The following TCEANC2 variants were observed in gnomAD, a reference collection of about 807,000 sequenced individuals.
TCEANC2 encodes the protein transcription elongation factor A N-terminal and central domain containing 2.
In TCEANC2, 20 loss-of-function variants were observed where a neutral mutation model predicts 22.8. The observed-to-expected ratio is 0.88, with a 90% CI of 0.62 to 1.28. The LOEUF is 1.28. TCEANC2 is among the 50% of genes most tolerant of loss of function. TCEANC2 has a pLI of 0.00. For synonymous variants in TCEANC2, 84 were observed against 95.5 expected (o/e 0.88, Z 0.70); for missense variants, 251 against 249.7 (o/e 1.01, Z -0.03).
intron 4 of TCEANC2, among the ~76,000 whole-genome samples, chr1:54,095,562 T>A (rs1250973057): frequency 1.3e-5 from 2 of 152,206 alleles, no homozygotes; most frequent in Non-Finnish European, 2.9e-5. Context: ...CAAGATGGCT[T>A]GGGCCTGAGC....
In TCEANC2 at chr1:54,068,897, G is replaced by A; in HGVS notation, c.244G>A (p.Gly82Ser). Residue 82 changes from glycine to serine, a missense_variant and splice_region_variant, in exon 3 of 5, where the codon GGT becomes AGT. Coordinates refer to ENST00000234827, the MANE Select transcript of TCEANC2 (RefSeq NM_153035.3). Reference sequence around the variant, plus strand: ...GGAAGTGTTAAAATCAACAAGGATAGGTATATTCCTTCTTAATTTTATTTT... The same window carrying A: ...GGAAGTGTTAAAATCAACAAGGATAAGTATATTCCTTCTTAATTTTATTTT... ...SREVLKSTRIGHTVNKMRKHS... is the reference protein window; with the variant it reads ...SREVLKSTRISHTVNKMRKHS... 1.3e-6 allele frequency: 2 copies of A among 1,546,754 alleles called. No individual in the cohort carries two copies. The highest frequency in any genetic ancestry group is 1.7e-6 in the Non-Finnish European group (2 of 1,154,432).
At chr1:54,059,927 CA>C (rs1390733398) in intron 2 of TCEANC2, among the ~76,000 whole-genome samples, 1 of 152,308 alleles carries the variant, frequency 6.6e-6, no homozygotes, top group East Asian at 1.9e-4. Context: ...GATCAAAATA[CA>C]AACCCTCATG....
At chr1:54,083,170 G>T (rs1658278047) in intron 3 of TCEANC2, among the ~76,000 whole-genome samples, 1 of 152,186 alleles carries the variant, frequency 6.6e-6, no homozygotes, top group Admixed American at 6.5e-5. Context: ...AGAGGTGTTT[G>T]CAGAATAAGC....
At chr1:54,062,505 C>T (rs376654692) in intron 2 of TCEANC2, among the ~76,000 whole-genome samples, 114 of 152,288 alleles carry the variant, frequency 7.5e-4, no homozygotes, top group African/African-American at 2.6e-3. Context: ...TCAGTTACAC[C>T]TACTGTGCAC....
chr1:54,068,326 C>T (rs1428176638), intron 2 of TCEANC2, among the ~76,000 whole-genome samples: 3 of 152,008 alleles, frequency 2.0e-5, no homozygotes, highest in East Asian at 3.9e-4. Context: ...GAATTTTATC[C>T]TCTAGGAAGT....
Position 54,096,409 on chromosome 1 carries a change from T to C in TCEANC2, c.563T>C (p.Ile188Thr), listed in dbSNP as rs1046518851. Reference protein sequence around the residue: ...LVFTLKHRAEIRAQVKSGSLP... With the variant: ...LVFTLKHRAETRAQVKSGSLP... ...TTCACATTAAAGCACCGAGCTGAAA[T>C]CCGGGCTCAGGTGAAGAGCGGCTCG... The change falls in exon 5 of 5, where the codon ATC (isoleucine) becomes ACC (threonine). Residue 188 changes from isoleucine to threonine, a missense_variant. Ile to Thr is a moderately conservative substitution (Grantham distance 89). Transcript: ENST00000234827. The surrounding 1 kb of genome is among the most constrained non-coding windows in gnomAD (Gnocchi z 4.9). 6 of 1,613,420 alleles carry C rather than the reference T, an allele frequency of 3.7e-6. No homozygotes were observed. Among genetic ancestry groups the C allele is most frequent in the Non-Finnish European group, 4.2e-6 (5 of 1,179,446 alleles).
intron 3 of TCEANC2, among the ~76,000 whole-genome samples, chr1:54,086,220 T>TA (rs1570016634): frequency 6.6e-6 from 1 of 152,194 alleles, no homozygotes; most frequent in African/African-American, 2.4e-5. Flanking sequence ...CTGCTGGAGA[T>TA]ACAAAGATGA....
rs190224806 is a variant in TCEANC2 at position 54,088,500 on chromosome 1, A to G, written c.245-97A>G. 1.7e-3 allele frequency: 1,577 copies of G among 950,372 alleles called. 5 individuals carry two copies. The highest frequency in any genetic ancestry group is 1.5e-3 in the Non-Finnish European group (974 of 649,250). 58.9% of individuals were successfully genotyped at this position (950,372 alleles called of 1,614,324 possible). The stretch of plus-strand genomic sequence containing the variant: ...AGTCTTTACATCCTTGGGTGTGTGA[A>G]TGACTTTCTCAGTGCCACACGTCAG... On this transcript the variant is annotated intron_variant, in intron 3 of 4. Coordinates refer to ENST00000234827, the MANE Select transcript of TCEANC2 (RefSeq NM_153035.3).
chr1:54,054,172 C>T lies in TCEANC2; in HGVS notation c.-42-209C>T, dbSNP rs1159318537. On this transcript the variant is annotated intron_variant, in intron 1 of 4. Transcript: ENST00000234827. ...GTGCACTTCTGGAAGCTAGGAACCT[C>T]CTAACTCAGGACGTAGACTGATGAT... 4 of 1,302,806 alleles carry T rather than the reference C, an allele frequency of 3.1e-6. No homozygotes were observed. The African/African-American group carries it at 6.1e-5, about 20-fold the overall frequency. The allele number at this position is 1,302,806 out of a possible 1,614,324, so 80.7% of individuals were successfully genotyped here. A position where few individuals can be genotyped will look rare whatever the true frequency, so the allele number is the denominator to read the frequency against.
chr1:54,063,913 C>T (rs1333729354), intron 2 of TCEANC2, among the ~76,000 whole-genome samples: 4 of 152,198 alleles, frequency 2.6e-5, no homozygotes, highest in African/African-American at 9.7e-5. Context: ...GTTGAATCCA[C>T]AGATGTGAAA....
chr1:54,080,425 C>T (rs140655805), intron 3 of TCEANC2, among the ~76,000 whole-genome samples: 6 of 152,266 alleles, frequency 3.9e-5, no homozygotes, highest in South Asian at 2.1e-4. Context: ...GGATTACAGG[C>T]GTGAGCCACT....
At position 54,104,705 on chromosome 1, in the gene TCEANC2, C is replaced by T. The variant is rs1262156885; in HGVS notation, c.*8232C>T. 3 of 436,918 alleles carry T rather than the reference C, an allele frequency of 6.9e-6. No individual in the cohort carries two copies. The highest frequency in any genetic ancestry group is 9.3e-6 in the Non-Finnish European group (2 of 214,118). 27.1% of individuals were successfully genotyped at this position (436,918 alleles called of 1,614,324 possible). On this transcript the variant is annotated 3_prime_UTR_variant, in exon 5 of 5. Transcript: ENST00000234827. ...TACAGGCATGTGCCACCATGCCCAG[C>T]TGATTTTTGTATTTTTAGTAGAGAT...
At chr1:54,081,885 G>A (rs749357956) in intron 3 of TCEANC2, among the ~76,000 whole-genome samples, 7 of 152,214 alleles carry the variant, frequency 4.6e-5, no homozygotes, top group Non-Finnish European at 8.8e-5. Context: ...GGACCTGAGA[G>A]TTGAAGCTTT....
intron 2 of TCEANC2, among the ~76,000 whole-genome samples, chr1:54,068,081 T>G (rs984372567): frequency 1.3e-5 from 2 of 152,270 alleles, no homozygotes; most frequent in African/African-American, 4.8e-5. Flanking sequence ...TGTTAATTTT[T>G]TATACTTAAT....
intron 4 of TCEANC2, among the ~76,000 whole-genome samples, chr1:54,095,636 G>T (rs528123803): frequency 6.6e-6 from 1 of 152,296 alleles, no homozygotes; most frequent in East Asian, 1.9e-4. Context: ...GGAAACTGTA[G>T]GCGTCTCTCC....
intron 3 of TCEANC2, among the ~76,000 whole-genome samples, chr1:54,081,156 C>T (rs1257598616): frequency 6.6e-6 from 1 of 152,154 alleles, no homozygotes; most frequent in Non-Finnish European, 1.5e-5. Flanking sequence ...ATAGCACCTA[C>T]TTCATAGGGT....
At position 54,088,668 on chromosome 1, in the gene TCEANC2, G is replaced by A. The variant is rs41294784; in HGVS notation, c.316G>A (p.Glu106Lys). 1 of 1,610,910 alleles carries A rather than the reference G, an allele frequency of 6.2e-7. No homozygotes were observed. Among genetic ancestry groups the A allele is most frequent in the Non-Finnish European group, 8.5e-7 (1 of 1,179,044 alleles). The change falls in exon 4 of 5, where the codon GAG becomes AAG. Residue 106 changes from glutamate (E) to lysine (K), a missense_variant. Transcript: ENST00000234827. ...TTCTCTTGCCAGAGAAGTTTACACTGAGTGGAAAACTTTCACTGAAAAACA... is the reference window on the plus strand; with the variant it reads ...TTCTCTTGCCAGAGAAGTTTACACTAAGTGGAAAACTTTCACTGAAAAACA... ...VASLAREVYT[E>K]WKTFTEKHSN...
chr1:54,064,947 G>C (rs906456223), intron 2 of TCEANC2, among the ~76,000 whole-genome samples: 5 of 152,078 alleles, frequency 3.3e-5, no homozygotes, highest in Non-Finnish European at 7.4e-5. Flanking sequence ...TGATCCGCCT[G>C]CTTTGGCCTC....
chr1:54,062,944 C>T (rs1232217767), intron 2 of TCEANC2, among the ~76,000 whole-genome samples: 2 of 152,140 alleles, frequency 1.3e-5, no homozygotes, highest in Non-Finnish European at 2.9e-5. Flanking sequence ...GAACTCTTAA[C>T]CTGATTCCAG....
Sources: gnomAD v4.1 joint callset for allele counts (sites outside exome capture counted in the v4.1 genomes callset) on GRCh38, gnomAD v4.1.1 for gene constraint, Gnocchi (gnomAD v3.1) non-coding constraint, MANE v1.5 for transcripts, NCBI Gene and HGNC (gene_info 2026-07-23, HGNC 2026-07-21) for gene names.